The following CTDP1 variants were observed in gnomAD, a reference collection of about 807,000 sequenced individuals.
CTDP1 encodes CTD phosphatase 1, also known as RNA polymerase II subunit A C-terminal domain phosphatase.
In CTDP1, 47 loss-of-function variants were observed where a neutral mutation model predicts 91.8. The ratio of observed to expected loss-of-function variants is 0.51; its 90% CI spans 0.41 to 0.65. The LOEUF is 0.65. Among genes scored for constraint, CTDP1 ranks in the 30% least tolerant of loss-of-function variants. CTDP1 has a pLI of 0.00. For synonymous variants in CTDP1, 656 were observed against 598.5 expected (o/e 1.10, Z -1.40); for missense variants, 1,272 against 1,373.7 (o/e 0.93, Z 1.17).
intron 5 of CTDP1, among the ~76,000 whole-genome samples, chr18:79,705,248 T>C (rs906446285): frequency 6.6e-6 from 1 of 152,166 alleles, no homozygotes; most frequent in African/African-American, 2.4e-5. Flanking sequence ...GCCGGGCTGC[T>C]TGTGTGTGCT....
In CTDP1 at chr18:79,704,785, C is replaced by T; in HGVS notation, c.640C>T (p.Leu214=). The change falls in exon 5 of 13, where the codon CTG becomes TTG. Residue 214 remains leucine (L), a synonymous_variant. Coordinates refer to ENST00000613122, the MANE Select transcript of CTDP1 (RefSeq NM_004715.5). ...MSNKGIFHFQ[L]GRGEPMLHTR... is the part of the protein sequence containing the mutation. ...TTTTTAGGGCATCTTTCACTTCCAG[C>T]TGGGCCGGGGTGAGCCCATGCTGCA... 1 of 1,613,908 alleles carries T rather than the reference C, an allele frequency of 6.2e-7. No individual in the cohort carries two copies. The highest frequency in any genetic ancestry group is 8.5e-7 in the Non-Finnish European group (1 of 1,180,052).
chr18:79,708,024 C>T (rs1400385739), intron 5 of CTDP1, among the ~76,000 whole-genome samples: 4 of 152,166 alleles, frequency 2.6e-5, no homozygotes, highest in Non-Finnish European at 5.9e-5. Context: ...CTGGAATTTA[C>T]GCATAGTGAG....
At chr18:79,737,500 A>T (rs2086692020) in intron 12 of CTDP1, among the ~76,000 whole-genome samples, 1 of 152,004 alleles carries the variant, frequency 6.6e-6, no homozygotes, top group African/African-American at 2.4e-5. Flanking sequence ...TTCTCCACTA[A>T]TCGGCTTTGT....
intron 10 of CTDP1, among the ~76,000 whole-genome samples, chr18:79,725,355 TC>T (rs2086424907): frequency 1.3e-5 from 2 of 152,188 alleles, no homozygotes; most frequent in Admixed American, 1.3e-4. Context: ...TTTCACATAT[TC>T]GGGAGAATTC....
intron 6 of CTDP1, among the ~76,000 whole-genome samples, chr18:79,710,753 AG>A (rs2122598888): frequency 8.3e-6 from 1 of 121,108 alleles, no homozygotes; most frequent in South Asian, 2.7e-4. Flanking sequence ...TCACTGTGTT[AG>A]CCAGGATGGC....
chr18:79,718,361 C>G (rs2086265621), intron 10 of CTDP1, among the ~76,000 whole-genome samples: 1 of 152,190 alleles, frequency 6.6e-6, no homozygotes, highest in African/African-American at 2.4e-5. Flanking sequence ...TTCTGAGCCC[C>G]CCTCCCCACT....
At position 79,680,021 on chromosome 18, in the gene CTDP1, C is replaced by T. The variant is rs1333477006; in HGVS notation, c.74C>T (p.Pro25Leu). The change falls in exon 1 of 13, where the codon CCG becomes CTG. Residue 25 changes from proline to leucine, a missense_variant. Physicochemically the swap from Pro to Leu is moderately conservative, Grantham distance 98. Coordinates refer to ENST00000613122, the MANE Select transcript of CTDP1 (RefSeq NM_004715.5). ...GCGGCTGTGGCCGAGGTGCGCTGCC[C>T]GGGGCCCGCGCCGCTGCGCCTGCTG... is the stretch of plus-strand genomic sequence containing the variant. The part of the protein sequence containing the change: ...PTAAVAEVRC[P>L]GPAPLRLLEW... 4.9e-5 allele frequency: 62 copies of T among 1,271,008 alleles called. No individual in the cohort carries two copies. The highest frequency in any genetic ancestry group is 7.9e-6 in the Non-Finnish European group (8 of 1,012,632). 78.7% of individuals were successfully genotyped at this position (1,271,008 alleles called of 1,614,324 possible).
At chr18:79,705,928 A>G (rs988999884) in intron 5 of CTDP1, among the ~76,000 whole-genome samples, 2 of 152,220 alleles carry the variant, frequency 1.3e-5, no homozygotes, top group East Asian at 3.8e-4. Context: ...GAGACAGATG[A>G]TGTGAAGACG....
chr18:79,753,686 G>A lies in CTDP1; in HGVS notation c.2782G>A (p.Ala928Thr), dbSNP rs541510090. The change falls in exon 13 of 13, where the codon GCC (alanine) becomes ACC (threonine). Residue 928 changes from alanine (A) to threonine (T), a missense_variant. Coordinates refer to ENST00000613122, the MANE Select transcript of CTDP1 (RefSeq NM_004715.5). ...HKRKLNEEDA[A>T]SESSRESSNE... ...GAGGAAGCTGAATGAAGAGGACGCCGCCAGCGAGTCCAGCAGGGAGTCCAG... is the reference window on the plus strand; with the variant it reads ...GAGGAAGCTGAATGAAGAGGACGCCACCAGCGAGTCCAGCAGGGAGTCCAG... 34 of 1,614,086 alleles carry A rather than the reference G, an allele frequency of 2.1e-5. No individual in the cohort carries two copies. Among genetic ancestry groups the A allele is most frequent in the African/African-American group, 1.9e-4 (14 of 75,056 alleles).
At chr18:79,682,984 G>T (rs1454514212) in intron 1 of CTDP1, 1 of 152,152 alleles carries the variant, frequency 6.6e-6, no homozygotes, top group African/African-American at 2.4e-5. Context: ...CACTTAAAAG[G>T]TTTTTCCTCT....
intron 11 of CTDP1, among the ~76,000 whole-genome samples, chr18:79,735,026 G>A (rs933911149): frequency 6.6e-6 from 1 of 152,208 alleles, no homozygotes; most frequent in Non-Finnish European, 1.5e-5. Flanking sequence ...TGGACACGTG[G>A]CGATGAGTTT....
At chr18:79,747,710 G>A (rs867446957) in intron 12 of CTDP1, among the ~76,000 whole-genome samples, 78 of 152,350 alleles carry the variant, frequency 5.1e-4, no homozygotes, top group Middle Eastern at 3.4e-3. Context: ...TGTCCGGTGC[G>A]TGCAGACCTG....
At position 79,729,011 on chromosome 18, in the gene CTDP1, C is replaced by G; in HGVS notation, c.2522C>G (p.Ser841Cys). 1 of 1,614,142 alleles carries G rather than the reference C, an allele frequency of 6.2e-7. No individual in the cohort carries two copies. Among genetic ancestry groups the G allele is most frequent in the Non-Finnish European group, 8.5e-7 (1 of 1,180,044 alleles). ...AGAAGAAAGCGACAGCCCAGTATGT[C>G]TGAGACAATGCCGCTGTACACTCTT... is the stretch of plus-strand genomic sequence containing the variant. ...PSRRKRQPSM[S>C]ETMPLYTLCK... The change falls in exon 11 of 13, where the codon TCT (serine) becomes TGT (cysteine). Residue 841 changes from serine (S) to cysteine (C), a missense_variant. Physicochemically the swap from Ser to Cys is moderately radical, Grantham distance 112 (BLOSUM62 -1). Transcript: ENST00000613122.
chr18:79,721,406 AC>A (rs1385900028), intron 10 of CTDP1, among the ~76,000 whole-genome samples: 2 of 151,614 alleles, frequency 1.3e-5, no homozygotes, highest in Non-Finnish European at 2.9e-5. Context: ...GGATGTGGAG[AC>A]CCCCCGTCTA....
Position 79,710,380 on chromosome 18 carries a change from C to T in CTDP1, c.807C>T (p.His269=), listed in dbSNP as rs2086055576. Residue 269 remains histidine (H), a synonymous_variant, in exon 6 of 13, where the codon CAC becomes CAT. Transcript: ENST00000613122. The part of the protein sequence containing the change: ...FLDPEKKLFS[H]RILSRDECID... ...ACCCCGAGAAGAAGCTTTTTTCTCA[C>T]CGAATATTATCAAGGGATGAATGTA... 1 of 1,613,840 alleles carries T rather than the reference C, an allele frequency of 6.2e-7. No individual in the cohort carries two copies. Among genetic ancestry groups the T allele is most frequent in the African/African-American group, 1.3e-5 (1 of 74,872 alleles).
intron 12 of CTDP1, among the ~76,000 whole-genome samples, chr18:79,749,580 G>A (rs113342757): frequency 7.9e-5 from 12 of 151,462 alleles, no homozygotes; most frequent in African/African-American, 2.7e-4. Context: ...AGGGCACTTC[G>A]GCTCTCCTGT....
chr18:79,734,517 C>T (rs2086628074), intron 11 of CTDP1, among the ~76,000 whole-genome samples: 1 of 151,824 alleles, frequency 6.6e-6, no homozygotes, highest in African/African-American at 2.4e-5. Flanking sequence ...AGCACGGGGG[C>T]ACGTGCCGGG....
In CTDP1 at chr18:79,697,898, G is replaced by C. The variant is rs748110892; in HGVS notation, c.531G>C (p.Leu177=). ...TGGGAAGAGAAGACCAGCAGCGACT[G>C]CACCGAAACCGGAAGCTGGTGCTCA... is the stretch of plus-strand genomic sequence containing the variant. ...EQLGREDQQR[L]HRNRKLVLMV... The change falls in exon 4 of 13, where the codon CTG becomes CTC. Residue 177 remains leucine, a synonymous_variant. Transcript: ENST00000613122. 1.4e-5 allele frequency: 22 copies of C among 1,614,134 alleles called. No homozygotes were observed. The East Asian group carries it at 4.7e-4, about 34-fold the overall frequency.
intron 11 of CTDP1, among the ~76,000 whole-genome samples, chr18:79,730,859 C>G (rs1418678119): frequency 3.9e-5 from 6 of 152,236 alleles, no homozygotes; most frequent in African/African-American, 1.2e-4. Flanking sequence ...TCATGTTGGA[C>G]TTCTGACCTG....
Sources: allele counts gnomAD v4.1 joint callset (sites outside exome capture counted in the v4.1 genomes callset), GRCh38; gene constraint gnomAD v4.1.1; transcripts MANE v1.5; gene names NCBI Gene and HGNC (gene_info 2026-07-23, HGNC 2026-07-21).